Variants in KDM7A observed in about 807,000 individuals in gnomAD.
KDM7A encodes lysine-specific demethylase 7A.
In KDM7A, 28 loss-of-function variants were observed where a neutral mutation model predicts 114.8. The observed-to-expected ratio is 0.24, with a 90% CI of 0.18 to 0.33. The LOEUF (loss-of-function observed/expected upper bound fraction) is 0.33, where lower values mean the gene tolerates loss of function less well. KDM7A is among the 10% of genes least tolerant of loss of function. The pLI is 1.00. For synonymous variants in KDM7A, 423 were observed against 397.8 expected, an observed-to-expected ratio of 1.06 and a Z score of -0.75; for missense variants, 942 against 1,142.5, an observed-to-expected ratio of 0.82 and a Z score of 2.53.
At chr7:140,152,619 G>A (rs1028501808) in intron 1 of KDM7A, among the ~76,000 whole-genome samples, 3 of 121,902 alleles carry the variant, frequency 2.5e-5, no homozygotes, top group African/African-American at 6.3e-5. Context: ...GTGAGACTCC[G>A]TTTCAAAAAA....
intron 11 of KDM7A, among the ~76,000 whole-genome samples, chr7:140,110,713 C>T (rs1818417164): frequency 6.6e-6 from 1 of 152,202 alleles, no homozygotes; most frequent in Admixed American, 6.5e-5. Context: ...CTCTCTCCAT[C>T]TCAGCTTCCC....
intron 9 of KDM7A, 33 bp downstream of exon 9, chr7:140,119,080 A>G (rs755001628): frequency 4.0e-6 from 5 of 1,262,726 alleles, no homozygotes; most frequent in South Asian, 1.2e-5. Context: ...AATATGCATC[A>G]TATCATATAC....
chr7:140,142,093 CAAAAT>C (rs1316907506), intron 1 of KDM7A, among the ~76,000 whole-genome samples: 1 of 130,928 alleles, frequency 7.6e-6, no homozygotes, highest in African/African-American at 2.7e-5. Flanking sequence ...TTAAAGGAAG[CAAAAT>C]AAAATTATTT....
chr7:140,149,004 G>A (rs1794371260), intron 1 of KDM7A, among the ~76,000 whole-genome samples: 2 of 152,044 alleles, frequency 1.3e-5, no homozygotes, highest in African/African-American at 4.8e-5. Flanking sequence ...GTTCACTTAT[G>A]GTTCACTTTT....
At chr7:140,141,467 A>G (rs972664854) in intron 1 of KDM7A, among the ~76,000 whole-genome samples, 1 of 152,164 alleles carries the variant, frequency 6.6e-6, no homozygotes, top group African/African-American at 2.4e-5. Flanking sequence ...ATCCATGTAT[A>G]TGTGTGCACT....
At position 140,176,636 on chromosome 7, in the gene KDM7A, G is replaced by GGGCGC. The variant is rs1053857064; in HGVS notation, c.194+103_194+107dup. 3 of 839,038 alleles carry GGGCGC rather than the reference G, an allele frequency of 3.6e-6. No individual in the cohort carries two copies. Among genetic ancestry groups the GGGCGC allele is most frequent in the Middle Eastern group, 5.9e-4 (1 of 1,688 alleles). The allele number at this position is 839,038 out of a possible 1,614,324, so 52.0% of individuals were successfully genotyped here. A position where few individuals can be genotyped will look rare whatever the true frequency, so the allele number is the denominator to read the frequency against. Reference sequence around the variant, plus strand: ...TAGGCACCGGGGCCCCCTGAAAGCTGGGCGCGGCGCGGCGGCCCGGCCCGA... The same window carrying GGGCGC: ...TAGGCACCGGGGCCCCCTGAAAGCTGGGCGCGGCGCGGCGCGGCGGCCCGGCCCGA... On this transcript the variant is annotated intron_variant, in intron 1 of 19. Coordinates refer to ENST00000397560, the MANE Select transcript of KDM7A (RefSeq NM_030647.2). The surrounding 1 kb of genome is among the most constrained non-coding windows in gnomAD (Gnocchi z 4.4).
At chr7:140,105,980 A>G (rs1400154207) in intron 11 of KDM7A, among the ~76,000 whole-genome samples, 1 of 151,996 alleles carries the variant, frequency 6.6e-6, no homozygotes, top group Admixed American at 6.6e-5. Flanking sequence ...TGTTACTGGT[A>G]TATTCAGGGA....
chr7:140,122,033 C>T (rs2116793421), intron 7 of KDM7A, among the ~76,000 whole-genome samples: 1 of 152,296 alleles, frequency 6.6e-6, no homozygotes, highest in South Asian at 2.1e-4. Context: ...AGGCCCACTC[C>T]AGATCCACAG....
intron 9 of KDM7A, among the ~76,000 whole-genome samples, chr7:140,114,622 G>A (rs1277268497): frequency 2.1e-4 from 32 of 152,126 alleles, no homozygotes; most frequent in African/African-American, 5.8e-4. Context: ...TCTCTGACTG[G>A]CCGCCCATCA....
At position 140,097,361 on chromosome 7, in the gene KDM7A, T is replaced by C. The variant is rs1490469158; in HGVS notation, c.2016+184A>G. ...TCCAAAATCAGACAAAAGCTCTATG[T>C]CTCAAATGTGAATGGTCACATGATG... is the stretch of plus-strand genomic sequence containing the variant. On this transcript the variant is annotated intron_variant, in intron 15 of 19. Coordinates refer to ENST00000397560, the MANE Select transcript of KDM7A (RefSeq NM_030647.2). 2.6e-5 allele frequency among the ~76,000 whole-genome samples: 4 copies of C among 152,228 alleles called. No homozygotes were observed. In the East Asian group the frequency reaches 5.8e-4, roughly 22 times the overall value.
intron 9 of KDM7A, among the ~76,000 whole-genome samples, chr7:140,114,316 C>G (rs966160875): frequency 6.6e-6 from 1 of 152,084 alleles, no homozygotes; most frequent in Non-Finnish European, 1.5e-5. Context: ...TGCAGGCGCG[C>G]GCCACCACGC....
intron 9 of KDM7A, among the ~76,000 whole-genome samples, chr7:140,116,204 C>T (rs995132559): frequency 1.3e-5 from 2 of 152,014 alleles, no homozygotes; most frequent in Admixed American, 6.5e-5. Flanking sequence ...CAGCATTTTC[C>T]GTAATTGTCA....
chr7:140,145,463 C>T (rs901785358), intron 1 of KDM7A, among the ~76,000 whole-genome samples: 4 of 152,044 alleles, frequency 2.6e-5, no homozygotes, highest in Admixed American at 6.6e-5. Context: ...CTGACATTTC[C>T]GAGGTAGCAT....
chr7:140,145,804 A>G (rs1794333293), intron 1 of KDM7A, among the ~76,000 whole-genome samples: 1 of 152,054 alleles, frequency 6.6e-6, no homozygotes, highest in Non-Finnish European at 1.5e-5. Context: ...AGAATTAGAG[A>G]AAAAAAATGT....
At chr7:140,154,601 C>T (rs1794438461) in intron 1 of KDM7A, among the ~76,000 whole-genome samples, 1 of 151,710 alleles carries the variant, frequency 6.6e-6, no homozygotes, top group Non-Finnish European at 1.5e-5. Context: ...AAGGGAGACA[C>T]TGGGCTGAGA....
intron 9 of KDM7A, among the ~76,000 whole-genome samples, chr7:140,118,562 T>C (rs930078586): frequency 2.0e-5 from 3 of 149,812 alleles, no homozygotes; most frequent in Non-Finnish European, 3.0e-5. Flanking sequence ...TGCACCACGA[T>C]GCCCGGCTAA....
chr7:140,162,104 G>A (rs1344803989), intron 1 of KDM7A, among the ~76,000 whole-genome samples: 5 of 152,108 alleles, frequency 3.3e-5, no homozygotes, highest in Non-Finnish European at 4.4e-5. Context: ...GGGAGGCCGA[G>A]GCAGACGGAT....
At chr7:140,154,556 TC>T (rs924735381) in intron 1 of KDM7A, among the ~76,000 whole-genome samples, 1 of 150,654 alleles carries the variant, frequency 6.6e-6, no homozygotes, top group African/African-American at 2.4e-5. Context: ...TCAAAGTTAT[TC>T]ACAAAAAGAT....
rs534855094 is a variant in KDM7A at position 140,118,387 on chromosome 7, G to GT, written c.1246+725dup. ...AACTATAAAGACAAGTTCAAAAAAG[G>GT]TTTTTTTTCTTCAACTACAGAATCA... On this transcript the variant is annotated intron_variant, in intron 9 of 19. Coordinates refer to ENST00000397560, the MANE Select transcript of KDM7A (RefSeq NM_030647.2). Among the ~76,000 whole-genome samples the GT allele has an allele frequency of 5.7e-3, 857 of 150,858 alleles. 15 individuals are homozygous for GT. The highest frequency in any genetic ancestry group is 0.019 in the African/African-American group (782 of 41,132).
Sources: gnomAD v4.1 joint callset for allele counts (sites outside exome capture counted in the v4.1 genomes callset) on GRCh38, gnomAD v4.1.1 for gene constraint, Gnocchi (gnomAD v3.1) non-coding constraint, MANE v1.5 for transcripts, NCBI Gene and HGNC (gene_info 2026-07-23, HGNC 2026-07-21) for gene names.